Variants in ME3 observed in about 807,000 individuals in gnomAD.
ME3 encodes the protein NADP-dependent malic enzyme, mitochondrial.
Under a neutral mutation model 68.9 loss-of-function variants are expected in ME3, and 48 were observed. The observed-to-expected ratio is 0.70, with a 90% CI of 0.55 to 0.89. The LOEUF is 0.89. Ranked by LOEUF, ME3 falls within the 40% of genes least tolerant of loss-of-function variation. The pLI, the probability that ME3 is intolerant of heterozygous loss-of-function variation, is 0.00. For synonymous variants in ME3, 320 were observed against 318.8 expected, an observed-to-expected ratio of 1.00 and a Z score of -0.04; for missense variants, 675 against 797.4, an observed-to-expected ratio of 0.85 and a Z score of 1.85.
At chr11:86,461,757 G>A (rs1950233996) in intron 8 of ME3, among the ~76,000 whole-genome samples, 1 of 152,190 alleles carries the variant, frequency 6.6e-6, no homozygotes, top group African/African-American at 2.4e-5. Flanking sequence ...GGTGGCGCAT[G>A]CTCCTGCCCA....
chr11:86,515,993 G>C (rs1488221749), intron 4 of ME3, among the ~76,000 whole-genome samples: 1 of 152,112 alleles, frequency 6.6e-6, no homozygotes, highest in Non-Finnish European at 1.5e-5. Context: ...CCTGCAGTGA[G>C]TTACTGCAAT....
chr11:86,618,035 C>T (rs1402054100), intron 2 of ME3, among the ~76,000 whole-genome samples: 1 of 152,068 alleles, frequency 6.6e-6, no homozygotes, highest in African/African-American at 2.4e-5. Flanking sequence ...TGGCTGGGCA[C>T]AGTGGCTCAT....
chr11:86,597,912 A>C (rs1486391170), intron 2 of ME3, among the ~76,000 whole-genome samples: 1 of 152,086 alleles, frequency 6.6e-6, no homozygotes, highest in Non-Finnish European at 1.5e-5. Flanking sequence ...GTCTATAGGC[A>C]GATTTAAAAT....
At chr11:86,484,515 A>G (rs1238675520) in intron 7 of ME3, among the ~76,000 whole-genome samples, 1 of 152,168 alleles carries the variant, frequency 6.6e-6, no homozygotes, top group African/African-American at 2.4e-5. Flanking sequence ...CTCCCCAAGG[A>G]TCCCGCCCCC....
intron 8 of ME3, 107 bp from the exon 9 acceptor site, chr11:86,450,505 CT>C (rs1325826404): frequency 2.4e-6 from 2 of 839,610 alleles, no homozygotes; most frequent in Non-Finnish European, 3.9e-6. Context: ...GAACAGGCAA[CT>C]TTTCTTAGCC....
At chr11:86,438,478 A>G (rs182057274), downstream of ME3, among the ~76,000 whole-genome samples, 2 of 152,234 alleles carry the variant, frequency 1.3e-5, no homozygotes, top group East Asian at 3.9e-4. Context: ...ATATGGCAAT[A>G]CTAGTATCAT....
intron 8 of ME3, among the ~76,000 whole-genome samples, chr11:86,456,779 G>A (rs1343752911): frequency 6.6e-6 from 1 of 152,134 alleles, no homozygotes; most frequent in Non-Finnish European, 1.5e-5. Context: ...TACAATAAAA[G>A]GATGCAAGGT....
intron 7 of ME3, among the ~76,000 whole-genome samples, chr11:86,466,905 T>G (rs761961069): frequency 6.6e-6 from 1 of 152,206 alleles, no homozygotes; most frequent in Non-Finnish European, 1.5e-5. Context: ...ACATGTCACT[T>G]CACCTCTCTA....
In ME3 at chr11:86,504,836, G is replaced by A. The variant is rs111764154; in HGVS notation, c.543+3956C>T. ...CTCCTGAATAGTTGGGACTACAGGC[G>A]CCTGCCACCACGCCAAGCTCATTTT... On this transcript the variant is annotated intron_variant, in intron 5 of 14. Transcript: ENST00000543262. Among the ~76,000 whole-genome samples, 55 of 151,698 alleles carry A rather than the reference G, an allele frequency of 3.6e-4. 1 individual carries two copies. Among genetic ancestry groups the A allele is most frequent in the Middle Eastern group, 3.4e-3 (1 of 294 alleles).
At chr11:86,461,442 A>C (rs971575664) in intron 8 of ME3, among the ~76,000 whole-genome samples, 1 of 152,074 alleles carries the variant, frequency 6.6e-6, no homozygotes, top group Non-Finnish European at 1.5e-5. Flanking sequence ...GAAGATTCTG[A>C]GTTATATTGG....
chr11:86,588,926 C>A (rs1272907407), intron 2 of ME3, among the ~76,000 whole-genome samples: 1 of 152,196 alleles, frequency 6.6e-6, no homozygotes, highest in Non-Finnish European at 1.5e-5. Flanking sequence ...AGCTGTGTGT[C>A]CCCAATGCTT....
At chr11:86,579,772 A>T (rs1958328654) in intron 2 of ME3, among the ~76,000 whole-genome samples, 1 of 152,204 alleles carries the variant, frequency 6.6e-6, no homozygotes, top group Non-Finnish European at 1.5e-5. Context: ...TGGTTGATAA[A>T]TTTTAACTGG....
chr11:86,496,844 A>G (rs1260493532), intron 6 of ME3, among the ~76,000 whole-genome samples: 2 of 146,182 alleles, frequency 1.4e-5, no homozygotes, highest in Non-Finnish European at 1.5e-5. Context: ...AAAATACTGT[A>G]TATATAATAA....
At chr11:86,447,086 C>T (rs770260394) in exon 12 of ME3, 2 of 1,614,186 alleles carry the variant, frequency 1.2e-6, no homozygotes, top group Non-Finnish European at 1.7e-6. Context: ...GGTAGCACTT[C>T]TCAGCCGTGC....
chr11:86,610,884 C>T (rs138595993), intron 2 of ME3, among the ~76,000 whole-genome samples: 1 of 152,312 alleles, frequency 6.6e-6, no homozygotes, highest in East Asian at 1.9e-4. Flanking sequence ...ACAGCACCAA[C>T]TGTTGGCCAG....
chr11:86,632,739 G>C (rs1944096244), intron 2 of ME3, among the ~76,000 whole-genome samples: 1 of 152,210 alleles, frequency 6.6e-6, no homozygotes, highest in African/African-American at 2.4e-5. Flanking sequence ...GAGACCTTGG[G>C]TGGGCCCAGG....
chr11:86,500,074 AC>A (rs1594194926), intron 5 of ME3, among the ~76,000 whole-genome samples: 1 of 151,998 alleles, frequency 6.6e-6, no homozygotes, highest in East Asian at 1.9e-4. Flanking sequence ...CTTTGGCGCC[AC>A]CCTCTCTGCA....
chr11:86,633,970 G>A (rs895068778), intron 2 of ME3, among the ~76,000 whole-genome samples: 1 of 152,172 alleles, frequency 6.6e-6, no homozygotes, highest in Admixed American at 6.5e-5. Flanking sequence ...GTCCAGATAG[G>A]AGGAAAGAAA....
rs528400071 is a variant in ME3, at chr11:86,476,037, C to T, written c.810-10837G>A. 3.9e-5 allele frequency among the ~76,000 whole-genome samples: 6 copies of T among 152,108 alleles called. No individual in the cohort carries two copies. In the South Asian group the frequency reaches 6.2e-4, roughly 16 times the overall value. On this transcript the variant is annotated intron_variant, in intron 7 of 14. Transcript: ENST00000543262. ...AATCTTTTAAAATTAACATAAAATC[C>T]TCATTAACTTCCTTTGTAGTCTGGA...
Sources: allele counts gnomAD v4.1 joint callset (sites outside exome capture counted in the v4.1 genomes callset), GRCh38; gene constraint gnomAD v4.1.1; transcripts MANE v1.5; gene names NCBI Gene and HGNC (gene_info 2026-07-23, HGNC 2026-07-21).